RET: variants seen among roughly 807,000 people sequenced by gnomAD.
The protein encoded by RET is proto-oncogene tyrosine-protein kinase receptor Ret.
A neutral mutation model predicts 118.3 loss-of-function variants in RET; 19 were observed. The ratio of observed to expected loss-of-function variants is 0.16; its 90% CI spans 0.11 to 0.24. The LOEUF (loss-of-function observed/expected upper bound fraction) is 0.24, where lower values mean the gene tolerates loss of function less well. Ranked by LOEUF, RET falls within the 10% of genes least tolerant of loss-of-function variation. The probability of loss-of-function intolerance (pLI) is 1.00; values close to 1 mark genes in which losing one functional copy is unlikely to be tolerated. For missense variants in RET, 1,219 were observed against 1,502.1 expected (o/e 0.81, Z 3.12); for synonymous variants, 597 against 644.1 (o/e 0.93, Z 1.11).
rs1837060658 is a variant in RET at position 43,077,173 on chromosome 10, C to A, written c.-86C>A. ...CGCCGCGCCCCGGGCGGGGATGGGG[C>A]GGCCAGACTGAGCGCCGCACCCGCC... On this transcript the variant is annotated 5_prime_UTR_variant, in exon 1 of 20. Coordinates refer to ENST00000355710, the MANE Select transcript of RET (RefSeq NM_020975.6). 5.2e-6 allele frequency: 7 copies of A among 1,357,842 alleles called. No individual in the cohort carries two copies. The highest frequency in any genetic ancestry group is 6.6e-6 in the Non-Finnish European group (7 of 1,055,396). 84.1% of individuals were successfully genotyped at this position (1,357,842 alleles called of 1,614,324 possible).
At chr10:43,084,527 G>C (rs1399526339) in intron 1 of RET, among the ~76,000 whole-genome samples, 1 of 152,094 alleles carries the variant, frequency 6.6e-6, no homozygotes, top group Non-Finnish European at 1.5e-5. Context: ...GCATCTCTTC[G>C]AGCCCTCTGC....
At chr10:43,091,841 AAAG>A (rs1485987325) in intron 1 of RET, among the ~76,000 whole-genome samples, 1 of 149,142 alleles carries the variant, frequency 6.7e-6, no homozygotes, top group African/African-American at 2.5e-5. Flanking sequence ...AAAAAAAAAA[AAAG>A]AACCAGTGTT....
chr10:43,095,035 G>A (rs1355456555), intron 1 of RET, among the ~76,000 whole-genome samples: 1 of 152,098 alleles, frequency 6.6e-6, no homozygotes. Flanking sequence ...ATGGGGGTGG[G>A]GAGAGCTCTG....
rs772930754 is a variant in RET, at chr10:43,111,200, C to T, written c.1264-7C>T. The T allele has an allele frequency of 7.4e-6, 12 of 1,613,504 alleles. No individual in the cohort carries two copies. The East Asian group carries it at 1.8e-4, about 24-fold the overall frequency. Reference sequence around the variant, plus strand: ...CCTGGCTAAGGTGTTCCCCTGTGCCCCCCTAGATCGGGAAAGTCTGTGTGG... The same window carrying T: ...CCTGGCTAAGGTGTTCCCCTGTGCCTCCCTAGATCGGGAAAGTCTGTGTGG... On this transcript the variant is annotated splice_region_variant and splice_polypyrimidine_tract_variant and intron_variant, in intron 6 of 19. Coordinates refer to ENST00000355710, the MANE Select transcript of RET (RefSeq NM_020975.6).
At chr10:43,099,290 G>A (rs952102168) in intron 1 of RET, among the ~76,000 whole-genome samples, 5 of 152,024 alleles carry the variant, frequency 3.3e-5, no homozygotes, top group African/African-American at 1.2e-4. Context: ...CGGGCGGATC[G>A]CCGGAGGTTG....
At chr10:43,109,008 C>A in intron 5 of RET, 23 bp from the exon 6 acceptor site, 2 of 1,608,666 alleles carry the variant, frequency 1.2e-6, no homozygotes, top group South Asian at 2.2e-5. Context: ...GCTTGGTGGT[C>A]ATTGTTGTGC....
At chr10:43,124,724 C>T (rs565346348) in intron 17 of RET, among the ~76,000 whole-genome samples, 159 bp from the exon 18 acceptor site, 38 of 152,176 alleles carry the variant, frequency 2.5e-4, no homozygotes, top group Admixed American at 2.2e-3. Context: ...CCCAGTCCCA[C>T]GAGGCTCAGA....
At chr10:43,110,753 C>T (rs929432913) in intron 6 of RET, among the ~76,000 whole-genome samples, 1 of 152,152 alleles carries the variant, frequency 6.6e-6, no homozygotes, top group Non-Finnish European at 1.5e-5. Flanking sequence ...CAGGGTGGAC[C>T]TCTAAACCCT....
At chr10:43,115,597 T>G (rs1838054190) in intron 11 of RET, among the ~76,000 whole-genome samples, 1 of 152,188 alleles carries the variant, frequency 6.6e-6, no homozygotes, top group African/African-American at 2.4e-5. Context: ...GAGTCCTTCA[T>G]AAACCCAGTG....
At chr10:43,111,943 T>TC (rs1837943906) in intron 7 of RET, among the ~76,000 whole-genome samples, 156 bp from the exon 8 acceptor site, 1 of 152,240 alleles carries the variant, frequency 6.6e-6, no homozygotes, top group Non-Finnish European at 1.5e-5. Context: ...CGCCCTGTGC[T>TC]CCTGGCACTG....
At position 43,077,130 on chromosome 10, in the gene RET, C is replaced by A; in HGVS notation, c.-129C>A. On this transcript the variant is annotated 5_prime_UTR_variant, in exon 1 of 20. Coordinates refer to ENST00000355710, the MANE Select transcript of RET (RefSeq NM_020975.6). ...AGTGCCCCGGAACGTGCGTCGCGCC[C>A]CCAGTGTCCGTCGCGTCCGCCGCGC... 7.9e-7 allele frequency: 1 copy of A among 1,257,896 alleles called. No homozygotes were observed. Among genetic ancestry groups the A allele is most frequent in the Non-Finnish European group, 1.0e-6 (1 of 988,468 alleles). The allele number at this position is 1,257,896 out of a possible 1,614,324, so 77.9% of individuals were successfully genotyped here. A position where few individuals can be genotyped will look rare whatever the true frequency, so the allele number is the denominator to read the frequency against.
At chr10:43,102,923 G>T in intron 3 of RET, 1 of 513,618 alleles carries the variant, frequency 1.9e-6, no homozygotes, top group Non-Finnish European at 3.5e-6. Flanking sequence ...GAAGGAGCTA[G>T]CTGGGGAGGA....
chr10:43,084,013 G>A (rs1453040700), intron 1 of RET, among the ~76,000 whole-genome samples: 1 of 152,178 alleles, frequency 6.6e-6, no homozygotes, highest in Non-Finnish European at 1.5e-5. Context: ...TCATCTGCAT[G>A]GACTGTTGTC....
chr10:43,105,097 C>T lies in RET; in HGVS notation c.771C>T (p.Pro257=), dbSNP rs1837735484. Residue 257 remains proline (P), a synonymous_variant, in exon 4 of 20, where the codon CCC becomes CCT. Transcript: ENST00000355710. ...CGCGCGAGGAGGTGGTGATGGTGCC[C>T]TTCCCGGTGACCGTGTACGACGAGG... ...AGAREEVVMV[P]FPVTVYDEDD... is the part of the protein sequence containing the mutation. 6.2e-7 allele frequency: 1 copy of T among 1,612,194 alleles called. No individual in the cohort carries two copies. Among genetic ancestry groups the T allele is most frequent in the Non-Finnish European group, 8.5e-7 (1 of 1,179,800 alleles).
intron 5 of RET, 32 bp from the exon 6 acceptor site, chr10:43,108,999 C>G: frequency 6.2e-7 from 1 of 1,604,346 alleles, no homozygotes; most frequent in Non-Finnish European, 8.5e-7. Context: ...GCCAGAGCAG[C>G]TTGGTGGTCA....
At chr10:43,105,268 TCCGTGTAGCCACCCAA>T (rs1370717308) in intron 4 of RET, 75 bp downstream of exon 4, 14 of 1,601,180 alleles carry the variant, frequency 8.7e-6, no homozygotes, top group African/African-American at 1.3e-5. Flanking sequence ...CGGTTTAGTG[TCCGTGTAGCCACCCAA>T]CCGTGTGGCC....
chr10:43,079,084 C>T (rs7075495), intron 1 of RET, among the ~76,000 whole-genome samples: 7,217 of 152,288 alleles, frequency 0.047, 374 homozygotes, highest in African/African-American at 0.13. Flanking sequence ...ACAGCTCGGC[C>T]TCAAGCGCCC....
chr10:43,126,489 TC>T (rs1279039657), intron 18 of RET, 85 bp from the exon 19 acceptor site: 1 of 1,208,152 alleles, frequency 8.3e-7, no homozygotes, highest in African/African-American at 1.5e-5. Context: ...AGCCAGAGCC[TC>T]TGCCCTGAGG....
chr10:43,127,640 C>A, intron 19 of RET: 2 of 311,820 alleles, frequency 6.4e-6, no homozygotes, highest in Non-Finnish European at 1.1e-5. Flanking sequence ...TGCCACACTC[C>A]ATTTGTGCTG....
Sources: gnomAD v4.1 joint callset for allele counts (sites outside exome capture counted in the v4.1 genomes callset) on GRCh38, gnomAD v4.1.1 for gene constraint, MANE v1.5 for transcripts, NCBI Gene and HGNC (gene_info 2026-07-23, HGNC 2026-07-21) for gene names.